The following PLBD2 variants were observed in gnomAD, a reference collection of about 807,000 sequenced individuals.
PLBD2 encodes phospholipase B domain containing 2, also known as putative aminopeptidase PLBD2.
A neutral mutation model predicts 68.3 loss-of-function variants in PLBD2; 51 were observed. The observed-to-expected ratio is 0.75, with a 90% CI of 0.60 to 0.94. The LOEUF (loss-of-function observed/expected upper bound fraction) is 0.94. Among genes scored for constraint, PLBD2 ranks in the 40% least tolerant of loss-of-function variants. The pLI, the probability that PLBD2 is intolerant of heterozygous loss-of-function variation, is 0.00. For missense variants in PLBD2, 729 were observed against 792.2 expected (o/e 0.92, Z 0.96); for synonymous variants, 314 against 339.3 (o/e 0.93, Z 0.82).
chr12:113,373,682 A>G (rs1230321549), intron 3 of PLBD2, among the ~76,000 whole-genome samples: 1 of 144,190 alleles, frequency 6.9e-6, no homozygotes, highest in Admixed American at 6.9e-5. Flanking sequence ...CCACCCATTT[A>G]CCCACCCATC....
intron 5 of PLBD2, among the ~76,000 whole-genome samples, chr12:113,376,258 G>T (rs908800793): frequency 6.6e-6 from 1 of 151,310 alleles, no homozygotes; most frequent in African/African-American, 2.4e-5. Flanking sequence ...CTGCCTCCTG[G>T]GTTCAAGTGA....
chr12:113,359,687 T>G (rs201129425), intron 1 of PLBD2, among the ~76,000 whole-genome samples: 1 of 152,226 alleles, frequency 6.6e-6, no homozygotes, highest in East Asian at 1.9e-4. Context: ...GGTCATGTGC[T>G]GCAAGTTCTG....
At position 113,374,556 on chromosome 12, in the gene PLBD2, T is replaced by C. The variant is rs1450922264; in HGVS notation, c.626T>C (p.Ile209Thr). 2 of 1,601,410 alleles carry C rather than the reference T, an allele frequency of 1.2e-6. No individual in the cohort carries two copies. The highest frequency in any genetic ancestry group is 1.7e-6 in the Non-Finnish European group (2 of 1,174,490). ...AGCTTCCCAGCTGGGAAGTTCACCA[T>C]CAAACCCTTGGGGTTCCTGTAAGTG... Reference protein sequence around the residue: ...RVSFPAGKFTIKPLGFLLLQL... With the variant: ...RVSFPAGKFTTKPLGFLLLQL... The change falls in exon 4 of 12, where the codon ATC becomes ACC. Residue 209 changes from isoleucine to threonine, a missense_variant. Coordinates refer to ENST00000280800, the MANE Select transcript of PLBD2 (RefSeq NM_173542.4).
chr12:113,368,486 G>T (rs1446885877), intron 1 of PLBD2, among the ~76,000 whole-genome samples: 4 of 152,178 alleles, frequency 2.6e-5, no homozygotes, highest in Non-Finnish European at 5.9e-5. Flanking sequence ...GCACAAAGGG[G>T]CAAGTGAGGC....
In PLBD2 at chr12:113,387,037, C is replaced by T. The variant is rs759845745; in HGVS notation, c.1387C>T (p.Arg463Trp). ...YDGSPRAQIF[R>W]RNQSLVQDMD... ...CGGGAGCCCCCGGGCCCAGATCTTC[C>T]GGCGGAACCAGTCACTGGTACAAGA... The change falls in exon 10 of 12, where the codon CGG becomes TGG. Residue 463 changes from arginine (R) to tryptophan (W), a missense_variant. Transcript: ENST00000280800. The T allele has an allele frequency of 3.7e-5, 59 of 1,611,306 alleles. No individual in the cohort carries two copies. The highest frequency in any genetic ancestry group is 4.4e-5 in the Non-Finnish European group (52 of 1,178,974).
In PLBD2 at chr12:113,369,263, A is replaced by G. The variant is rs1401525761; in HGVS notation, c.384+54A>G. ...CCCACCCTGCCCCAGCCCCACAAGC[A>G]TGTTCCCCAGTGTGCTTTTGAGATG... On this transcript the variant is annotated intron_variant, in intron 2 of 11. Transcript: ENST00000280800. 3.5e-6 allele frequency: 5 copies of G among 1,440,596 alleles called. No individual in the cohort carries two copies. In the Admixed American group the frequency reaches 8.4e-5, roughly 24 times the overall value. The allele number at this position is 1,440,596 out of a possible 1,614,324, so 89.2% of individuals were successfully genotyped here.
At position 113,384,807 on chromosome 12, in the gene PLBD2, G is replaced by A. The variant is rs779185002; in HGVS notation, c.1119-44G>A. The A allele has an allele frequency of 6.5e-6, 10 of 1,542,856 alleles. No individual in the cohort carries two copies. The Admixed American group carries it at 6.7e-5, about 10-fold the overall frequency. On this transcript the variant is annotated intron_variant, in intron 7 of 11. Coordinates refer to ENST00000280800, the MANE Select transcript of PLBD2 (RefSeq NM_173542.4). The surrounding 1 kb of genome is among the most constrained non-coding windows in gnomAD (Gnocchi z 4.2). Reference sequence around the variant, plus strand: ...CTGCAGGGTGGGGAAAGCTGGGGAGGTGGCTCCAGGCTCTGTTCAGTCCTC... The same window carrying A: ...CTGCAGGGTGGGGAAAGCTGGGGAGATGGCTCCAGGCTCTGTTCAGTCCTC...
intron 6 of PLBD2, among the ~76,000 whole-genome samples, chr12:113,381,935 G>C (rs1265934883): frequency 6.6e-6 from 1 of 152,070 alleles, no homozygotes; most frequent in Non-Finnish European, 1.5e-5. Flanking sequence ...CGATCCTCCT[G>C]CCTCAGCCTC....
At position 113,372,530 on chromosome 12, in the gene PLBD2, G is replaced by A; in HGVS notation, c.385-119G>A. 2.8e-6 allele frequency: 3 copies of A among 1,083,574 alleles called. No homozygotes were observed. Among genetic ancestry groups the A allele is most frequent in the Middle Eastern group, 3.1e-4 (1 of 3,264 alleles). 67.1% of individuals were successfully genotyped at this position (1,083,574 alleles called of 1,614,324 possible). A position where few individuals can be genotyped will look rare whatever the true frequency, so the allele number is the denominator to read the frequency against. ...AGCCTCCAGGGAGAGGACAGCATGA[G>A]CAAGGACTCAGGTGGCCACACCAGC... On this transcript the variant is annotated intron_variant, in intron 2 of 11. Coordinates refer to ENST00000280800, the MANE Select transcript of PLBD2 (RefSeq NM_173542.4). This position sits in a 1 kb window ranked among gnomAD's most constrained non-coding sequence, Gnocchi z 4.2.
intron 1 of PLBD2, among the ~76,000 whole-genome samples, chr12:113,367,764 A>T (rs1957354250): frequency 6.6e-6 from 1 of 151,132 alleles, no homozygotes; most frequent in Non-Finnish European, 1.5e-5. Flanking sequence ...AAAAAAAAAA[A>T]AGAAAAAAGC....
intron 5 of PLBD2, among the ~76,000 whole-genome samples, chr12:113,379,307 C>CAAAAAAA (rs759130410): frequency 1.7e-4 from 8 of 46,338 alleles, no homozygotes; most frequent in Admixed American, 2.3e-4. Flanking sequence ...GACTCTGTCT[C>CAAAAAAA]AAAAAAAAAA....
chr12:113,379,648 G>A (rs1348663844), intron 5 of PLBD2, among the ~76,000 whole-genome samples: 1 of 151,978 alleles, frequency 6.6e-6, no homozygotes, highest in Non-Finnish European at 1.5e-5. Context: ...GGTAGAAGGA[G>A]TTCTAGGGCA....
Position 113,384,371 on chromosome 12 carries a change from AC to A in PLBD2, c.1118+110del. 3.0e-6 allele frequency: 4 copies of A among 1,346,706 alleles called. No individual in the cohort carries two copies. Among genetic ancestry groups the A allele is most frequent in the South Asian group, 2.8e-5 (2 of 70,664 alleles). The allele number at this position is 1,346,706 out of a possible 1,614,324, so 83.4% of individuals were successfully genotyped here. ...ACCAGATGTGGCATCCGGGCCACACACCCCACGCCCTCCTTTGTTTCATACA... is the reference window on the plus strand; with the variant it reads ...ACCAGATGTGGCATCCGGGCCACACACCCACGCCCTCCTTTGTTTCATACA... On this transcript the variant is annotated intron_variant, in intron 7 of 11. Coordinates refer to ENST00000280800, the MANE Select transcript of PLBD2 (RefSeq NM_173542.4). This position sits in a 1 kb window ranked among gnomAD's most constrained non-coding sequence, Gnocchi z 4.2.
At position 113,388,781 on chromosome 12, in the gene PLBD2, C is replaced by G. The variant is rs1957578619; in HGVS notation, c.*155C>G. ...TCTCCTCCTAGAGTGGGTCACGAAC[C>G]TGATGGGGCTCAGAACTGACCCCCT... On this transcript the variant is annotated 3_prime_UTR_variant, in exon 12 of 12. Coordinates refer to ENST00000280800, the MANE Select transcript of PLBD2 (RefSeq NM_173542.4). 2 of 791,682 alleles carry G rather than the reference C, an allele frequency of 2.5e-6. No homozygotes were observed. The highest frequency in any genetic ancestry group is 3.6e-5 in the African/African-American group (2 of 55,906). 49.0% of individuals were successfully genotyped at this position (791,682 alleles called of 1,614,324 possible).
At chr12:113,370,357 C>T (rs1055212811) in intron 2 of PLBD2, among the ~76,000 whole-genome samples, 2 of 151,908 alleles carry the variant, frequency 1.3e-5, no homozygotes, top group African/African-American at 4.8e-5. Context: ...GGTATCAGTA[C>T]CATTCTAGGT....
At chr12:113,380,077 A>G (rs924255842) in intron 5 of PLBD2, among the ~76,000 whole-genome samples, 6 of 152,168 alleles carry the variant, frequency 3.9e-5, no homozygotes, top group African/African-American at 1.4e-4. Flanking sequence ...CTACATTAAT[A>G]GTTGTTATAC....
At chr12:113,374,632 G>A (rs1047946588) in intron 4 of PLBD2, 58 bp downstream of exon 4, 28 of 1,493,508 alleles carry the variant, frequency 1.9e-5, no homozygotes, top group East Asian at 2.4e-5. Context: ...CTCATAGTCG[G>A]ACAGACCTGG....
chr12:113,369,174 G>A lies in PLBD2; in HGVS notation c.349G>A (p.Ala117Thr). The A allele has an allele frequency of 6.2e-7, 1 of 1,607,628 alleles. No individual in the cohort carries two copies. Among genetic ancestry groups the A allele is most frequent in the Non-Finnish European group, 8.5e-7 (1 of 1,177,216 alleles). The change falls in exon 2 of 12, where the codon GCA (alanine) becomes ACA (threonine). Residue 117 changes from alanine (A) to threonine (T), a missense_variant. Ala to Thr is a moderately conservative substitution (Grantham distance 58). Coordinates refer to ENST00000280800, the MANE Select transcript of PLBD2 (RefSeq NM_173542.4). ...ATACAATGACAGCTTGCAGGCCTAT[G>A]CAGCCGGTGTGGTGGAGGCTGCTGT... ...GQYNDSLQAY[A>T]AGVVEAAVSE...
Position 113,380,816 on chromosome 12 carries a change from G to C in PLBD2, c.931G>C (p.Asp311His). 1 of 1,556,746 alleles carries C rather than the reference G, an allele frequency of 6.4e-7. No individual in the cohort carries two copies. The highest frequency in any genetic ancestry group is 8.7e-7 in the Non-Finnish European group (1 of 1,149,950). Residue 311 changes from aspartate (D) to histidine (H), a missense_variant, in exon 6 of 12, where the codon GAC becomes CAC. Coordinates refer to ENST00000280800, the MANE Select transcript of PLBD2 (RefSeq NM_173542.4). Reference protein sequence around the residue: ...SYPGTIFSCDDFYILGSGLVT... With the variant: ...SYPGTIFSCDHFYILGSGLVT... ...CCCCGGCACCATCTTCTCCTGCGACGACTTCTACATCCTGGGCAGTGGGCT... is the reference window on the plus strand; with the variant it reads ...CCCCGGCACCATCTTCTCCTGCGACCACTTCTACATCCTGGGCAGTGGGCT...
Sources: allele counts gnomAD v4.1 joint callset (sites outside exome capture counted in the v4.1 genomes callset), GRCh38; gene constraint gnomAD v4.1.1; non-coding constraint Gnocchi (gnomAD v3.1); transcripts MANE v1.5; gene names NCBI Gene and HGNC (gene_info 2026-07-23, HGNC 2026-07-21).